Variants in ASH1L observed in about 807,000 individuals in gnomAD.
The protein encoded by ASH1L is histone-lysine N-methyltransferase ASH1L.
ASH1L carries 23 observed loss-of-function variants against 269.0 expected under a neutral mutation model. The observed-to-expected ratio is 0.09, with a 90% confidence interval of 0.06 to 0.12. The LOEUF (loss-of-function observed/expected upper bound fraction) is 0.12. Ranked by LOEUF, ASH1L falls within the 10% of genes least tolerant of loss-of-function variation. The pLI is 1.00. For synonymous variants in ASH1L, 1,187 were observed against 1,253.5 expected (o/e 0.95, Z 1.12); for missense variants, 2,912 against 3,567.8 (o/e 0.82, Z 4.68).
intron 2 of ASH1L, among the ~76,000 whole-genome samples, chr1:155,510,600 A>G (rs558143164): frequency 6.6e-6 from 1 of 152,204 alleles, no homozygotes; most frequent in South Asian, 2.1e-4. Context: ...TAGGGGATGC[A>G]TACTGGTTTG....
chr1:155,356,683 T>C (rs1223094627), intron 15 of ASH1L, among the ~76,000 whole-genome samples: 1 of 151,240 alleles, frequency 6.6e-6, no homozygotes, highest in Admixed American at 6.6e-5. Flanking sequence ...GGTCTTTCCA[T>C]GTTGCCGAAG....
intron 1 of ASH1L, among the ~76,000 whole-genome samples, chr1:155,558,861 T>TG (rs1335239946): frequency 6.6e-6 from 1 of 151,102 alleles, no homozygotes; most frequent in Non-Finnish European, 1.5e-5. Context: ...CTTTTTTTTT[T>TG]TTTTTTGAGA....
chr1:155,460,275 A>G (rs1305620137), intron 3 of ASH1L, among the ~76,000 whole-genome samples: 4 of 152,270 alleles, frequency 2.6e-5, no homozygotes, highest in Admixed American at 6.5e-5. Flanking sequence ...ATTAAAATTC[A>G]TCATATAAAC....
At chr1:155,466,652 G>C (rs756429646) in intron 3 of ASH1L, among the ~76,000 whole-genome samples, 15 of 152,138 alleles carry the variant, frequency 9.9e-5, no homozygotes, top group Non-Finnish European at 1.9e-4. Flanking sequence ...TAAGAATCAG[G>C]TCAGAGTATT....
In ASH1L at chr1:155,378,542, T is replaced by C. The variant is rs769192026; in HGVS notation, c.6184A>G (p.Lys2062Glu). ...TTATATAGTGGGACATCTGGCTTTT[T>C]GTATAGCTAGAAGAAAAGAAGAAAA... ...LWQWKHNQLY[K>E]KPDVPLYKKI... The change falls in exon 9 of 28, where the codon AAA becomes GAA. Residue 2062 changes from lysine to glutamate, a missense_variant. This residue lies in a region of ASH1L where 193 missense variants were observed against 311.6 expected (regional missense o/e 0.62). Transcript: ENST00000392403. 5 of 1,611,914 alleles carry C rather than the reference T, an allele frequency of 3.1e-6. No homozygotes were observed. Among genetic ancestry groups the C allele is most frequent in the Non-Finnish European group, 4.2e-6 (5 of 1,179,122 alleles).
At chr1:155,436,565 C>T (rs1220572936) in intron 5 of ASH1L, among the ~76,000 whole-genome samples, 2 of 139,182 alleles carry the variant, frequency 1.4e-5, no homozygotes, top group South Asian at 2.4e-4. Flanking sequence ...GGCGCAATCT[C>T]GGCTCATCAC....
Position 155,386,222 on chromosome 1 carries a change from C to T in ASH1L, c.6104-6106G>A, listed in dbSNP as rs115923833. Among the ~76,000 whole-genome samples, 929 of 151,956 alleles carry T rather than the reference C, an allele frequency of 6.1e-3. 9 individuals are homozygous for T. The highest frequency in any genetic ancestry group is 0.022 in the African/African-American group (905 of 41,442). On this transcript the variant is annotated intron_variant, in intron 7 of 27. Transcript: ENST00000392403. ...AGCTGGGATTACAGGAGCCCACCAC[C>T]GTGCCCAACTAATTTTTTTGTATTT... is the stretch of plus-strand genomic sequence containing the variant.
chr1:155,374,600 G>A (rs1277221549), intron 10 of ASH1L, among the ~76,000 whole-genome samples: 1 of 152,056 alleles, frequency 6.6e-6, no homozygotes, highest in East Asian at 1.9e-4. Context: ...GACTTCTTTG[G>A]TACATGAATA....
chr1:155,510,441 T>C (rs1027068868), intron 2 of ASH1L, among the ~76,000 whole-genome samples: 3 of 146,496 alleles, frequency 2.0e-5, no homozygotes, highest in Non-Finnish European at 3.0e-5. Context: ...AAAAAAATTA[T>C]ATAAGCCACA....
intron 2 of ASH1L, among the ~76,000 whole-genome samples, chr1:155,505,101 C>A (rs114920163): frequency 0.022 from 3,386 of 151,982 alleles, 116 homozygotes; most frequent in African/African-American, 0.078. Flanking sequence ...TTGTTTTTTT[C>A]CACTGCGCCC....
chr1:155,387,205 C>T (rs918163147), intron 7 of ASH1L, among the ~76,000 whole-genome samples: 1 of 152,098 alleles, frequency 6.6e-6, no homozygotes, highest in African/African-American at 2.4e-5. Flanking sequence ...AACTGCTGGC[C>T]TCAAGTGATC....
At chr1:155,383,240 A>T (rs977412575) in intron 7 of ASH1L, among the ~76,000 whole-genome samples, 2 of 152,192 alleles carry the variant, frequency 1.3e-5, no homozygotes, top group African/African-American at 4.8e-5. Context: ...AGGAACAAAA[A>T]ATAAAAATTT....
chr1:155,468,557 A>T (rs1427186923), intron 3 of ASH1L, among the ~76,000 whole-genome samples: 5 of 152,178 alleles, frequency 3.3e-5, no homozygotes, highest in Non-Finnish European at 7.3e-5. Flanking sequence ...ATGGATTTAT[A>T]GATATTGACT....
At chr1:155,483,398 A>G (rs1666089329) in intron 2 of ASH1L, among the ~76,000 whole-genome samples, 1 of 152,236 alleles carries the variant, frequency 6.6e-6, no homozygotes. Flanking sequence ...AGAAAAACCT[A>G]AAATGTAGAA....
chr1:155,506,816 G>A (rs1415188953), intron 2 of ASH1L, among the ~76,000 whole-genome samples: 6 of 152,034 alleles, frequency 3.9e-5, no homozygotes, highest in South Asian at 2.1e-4. Flanking sequence ...ATTCTCAGCC[G>A]GGTATGGTGG....
intron 10 of ASH1L, among the ~76,000 whole-genome samples, chr1:155,377,347 C>A (rs1656543221): frequency 6.6e-6 from 1 of 152,162 alleles, no homozygotes; most frequent in Non-Finnish European, 1.5e-5. Flanking sequence ...TTATGCCCTT[C>A]CTCTTCACTC....
chr1:155,434,331 G>A (rs1661898857), intron 5 of ASH1L: 8 of 1,547,158 alleles, frequency 5.2e-6, no homozygotes, highest in Non-Finnish European at 7.0e-6. Context: ...CCTGGAGTTT[G>A]TGCCAGGGCT....
chr1:155,503,480 T>G (rs1667634942), intron 2 of ASH1L, among the ~76,000 whole-genome samples: 1 of 152,202 alleles, frequency 6.6e-6, no homozygotes, highest in Non-Finnish European at 1.5e-5. Context: ...AAATAAACAC[T>G]AGTTCAGTAC....
intron 15 of ASH1L, among the ~76,000 whole-genome samples, chr1:155,355,722 C>G (rs1215573969): frequency 6.6e-6 from 1 of 152,004 alleles, no homozygotes; most frequent in African/African-American, 2.4e-5. Flanking sequence ...TTCTACAACT[C>G]AAAGGGAAAT....
Sources: gnomAD v4.1 joint callset for allele counts (sites outside exome capture counted in the v4.1 genomes callset) on GRCh38, gnomAD v4.1.1 for gene constraint, gnomAD v4.1.1 regional missense constraint, MANE v1.5 for transcripts, NCBI Gene and HGNC (gene_info 2026-07-23, HGNC 2026-07-21) for gene names.